The following CLPTM1L variants were observed in gnomAD, a reference collection of about 807,000 sequenced individuals.
CLPTM1L encodes the protein lipid scramblase CLPTM1L.
CLPTM1L carries 38 observed loss-of-function variants against 70.9 expected under a neutral mutation model. The observed-to-expected ratio is 0.54, with a 90% CI of 0.41 to 0.70. The LOEUF is 0.70. CLPTM1L is among the 30% of genes least tolerant of loss of function. The pLI, the probability that CLPTM1L is intolerant of heterozygous loss-of-function variation, is 0.00. For synonymous variants in CLPTM1L, 339 were observed against 299.9 expected, an observed-to-expected ratio of 1.13 and a Z score of -1.35; for missense variants, 652 against 705.9, an observed-to-expected ratio of 0.92 and a Z score of 0.87.
At chr5:1,323,296 C>T (rs554008869) in intron 12 of CLPTM1L, among the ~76,000 whole-genome samples, 58 of 131,254 alleles carry the variant, frequency 4.4e-4, no homozygotes, top group African/African-American at 1.3e-3. Context: ...CTGGAGGCTC[C>T]GGGATCCCTC....
At chr5:1,338,138 A>C in intron 4 of CLPTM1L, 156 bp from the exon 5 acceptor site, 1 of 653,772 alleles carries the variant, frequency 1.5e-6, no homozygotes, top group Non-Finnish European at 2.8e-6. Context: ...AGCCTCCCCA[A>C]ACGGAAGCAG....
intron 6 of CLPTM1L, among the ~76,000 whole-genome samples, chr5:1,334,740 C>T (rs186991891): frequency 3.3e-5 from 5 of 151,036 alleles, no homozygotes; most frequent in Admixed American, 6.6e-5. Flanking sequence ...GGCAACAGAG[C>T]GAGACTCTGT....
intron 9 of CLPTM1L, among the ~76,000 whole-genome samples, chr5:1,329,575 TGGTGGAC>T (rs1236640246): frequency 7.5e-6 from 1 of 134,190 alleles, no homozygotes; most frequent in Admixed American, 7.6e-5. Flanking sequence ...ACTCTCTGCT[TGGTGGAC>T]AGGGCCTCAG....
rs1753986455 is a variant in CLPTM1L, at chr5:1,342,067, A to C, written c.264-207T>G. On this transcript the variant is annotated intron_variant, in intron 2 of 16. Transcript: ENST00000320895. The surrounding 1 kb of genome is among the most constrained non-coding windows in gnomAD (Gnocchi z 4.3). The stretch of plus-strand genomic sequence containing the variant: ...ACGCGCACGCGTGCGCGTCCTGAGA[A>C]CTCGGCACAGGTGTGGGCGCCTACA... 6.8e-6 allele frequency among the ~76,000 whole-genome samples: 1 copy of C among 146,288 alleles called. No individual in the cohort carries two copies. Among genetic ancestry groups the C allele is most frequent in the Non-Finnish European group, 1.5e-5 (1 of 67,168 alleles).
At chr5:1,332,662 G>C (rs1225309520) in intron 7 of CLPTM1L, among the ~76,000 whole-genome samples, 1 of 152,228 alleles carries the variant, frequency 6.6e-6, no homozygotes, top group Non-Finnish European at 1.5e-5. Context: ...GTTTCGGTTA[G>C]CACGGAGCAG....
At chr5:1,340,315 G>A (rs1197583522) in intron 3 of CLPTM1L, among the ~76,000 whole-genome samples, 3 of 152,172 alleles carry the variant, frequency 2.0e-5, no homozygotes, top group Non-Finnish European at 4.4e-5. Flanking sequence ...ATGTGGGGCT[G>A]CCTAAAGGAG....
intron 3 of CLPTM1L, 91 bp downstream of exon 3, chr5:1,341,579 AG>A: frequency 9.0e-7 from 1 of 1,105,020 alleles, no homozygotes; most frequent in Non-Finnish European, 1.3e-6. Context: ...AAGTCACTGG[AG>A]CCCTAGACAT....
At chr5:1,341,903 T>C in intron 2 of CLPTM1L, 43 bp from the exon 3 acceptor site, 4 of 1,499,990 alleles carry the variant, frequency 2.7e-6, no homozygotes, top group Non-Finnish European at 3.7e-6. Context: ...TATTATATTC[T>C]GGGTCTCTAG....
chr5:1,341,177 T>C (rs763970291), intron 3 of CLPTM1L, among the ~76,000 whole-genome samples: 10 of 152,244 alleles, frequency 6.6e-5, no homozygotes, highest in Non-Finnish European at 1.3e-4. Flanking sequence ...CAGTTTTTAT[T>C]TGCGCATACA....
intron 5 of CLPTM1L, among the ~76,000 whole-genome samples, chr5:1,335,397 C>G (rs933702375): frequency 1.3e-5 from 2 of 152,254 alleles, no homozygotes; most frequent in Non-Finnish European, 2.9e-5. Context: ...CCCACCAGGA[C>G]CCCGTGAGCT....
Position 1,344,959 on chromosome 5 carries a change from C to T in CLPTM1L, c.-118G>A. 1 of 477,720 alleles carries T rather than the reference C, an allele frequency of 2.1e-6. No homozygotes were observed. The highest frequency in any genetic ancestry group is 2.1e-5 in the African/African-American group (1 of 47,526). The allele number at this position is 477,720 out of a possible 1,614,324, so 29.6% of individuals were successfully genotyped here. ...CTCACTGGAGAGCCGCCGCGCGCCA[C>T]CGCCACCGCCGCGGGGGAACGAATG... On this transcript the variant is annotated 5_prime_UTR_variant, in exon 1 of 17. The change creates a new upstream start codon in the 5' untranslated region. Coordinates refer to ENST00000320895, the MANE Select transcript of CLPTM1L (RefSeq NM_030782.5).
At chr5:1,322,378 G>A (rs1399300055) in intron 13 of CLPTM1L, among the ~76,000 whole-genome samples, 1 of 152,248 alleles carries the variant, frequency 6.6e-6, no homozygotes, top group Admixed American at 6.5e-5. Context: ...GTGGCCCCGA[G>A]CACAGGGCCC....
chr5:1,343,361 T>G (rs1754068466), intron 2 of CLPTM1L, among the ~76,000 whole-genome samples: 3 of 152,272 alleles, frequency 2.0e-5, no homozygotes, highest in Admixed American at 1.3e-4. Context: ...TGGAGACACT[T>G]GAGGCGGAGC....
chr5:1,335,038 G>A lies in CLPTM1L; in HGVS notation c.796+19C>T, dbSNP rs773447749. On this transcript the variant is annotated intron_variant, in intron 6 of 16. Coordinates refer to ENST00000320895, the MANE Select transcript of CLPTM1L (RefSeq NM_030782.5). ...TCCAGGGCGGCCTCACCCAGGCGCC[G>A]GCCGTGTGCGGCACATACCGAACTG... 1.0e-5 allele frequency: 16 copies of A among 1,602,132 alleles called. No homozygotes were observed. The highest frequency in any genetic ancestry group is 6.6e-5 in the South Asian group (6 of 90,816).
intron 8 of CLPTM1L, 121 bp downstream of exon 8, chr5:1,331,678 G>A: frequency 1.2e-6 from 1 of 837,382 alleles, no homozygotes; most frequent in Non-Finnish European, 2.0e-6. Flanking sequence ...CTTCTCAAGA[G>A]CCAAGCACAC....
intron 8 of CLPTM1L, chr5:1,331,564 C>G: frequency 2.5e-6 from 1 of 401,080 alleles, no homozygotes; most frequent in Non-Finnish European, 4.2e-6. Context: ...CAGCCAGGCC[C>G]TGAGCTGTGC....
In CLPTM1L at chr5:1,325,832, A is replaced by G; in HGVS notation, c.1081-16T>C. 6.2e-7 allele frequency: 1 copy of G among 1,611,884 alleles called. No homozygotes were observed. Among genetic ancestry groups the G allele is most frequent in the Non-Finnish European group, 8.5e-7 (1 of 1,178,188 alleles). On this transcript the variant is annotated splice_polypyrimidine_tract_variant and intron_variant, in intron 9 of 16. Transcript: ENST00000320895. ...CTTTCCACAGCTGAGGGGAGAAATC[A>G]GGAAATAGTTCCTTTAATATTCGAA...
intron 6 of CLPTM1L, among the ~76,000 whole-genome samples, chr5:1,334,647 G>C (rs185012498): frequency 1.5e-4 from 23 of 152,126 alleles, no homozygotes; most frequent in African/African-American, 5.3e-4. Flanking sequence ...CTAGCTACTG[G>C]GGGGACTGAG....
intron 5 of CLPTM1L, among the ~76,000 whole-genome samples, chr5:1,337,555 G>A (rs1262639416): frequency 6.6e-6 from 1 of 152,228 alleles, no homozygotes; most frequent in Non-Finnish European, 1.5e-5. Context: ...TAATCTACAT[G>A]GCACACCAGG....
Sources: allele counts gnomAD v4.1 joint callset (sites outside exome capture counted in the v4.1 genomes callset), GRCh38; gene constraint gnomAD v4.1.1; non-coding constraint Gnocchi (gnomAD v3.1); transcripts MANE v1.5; gene names NCBI Gene and HGNC (gene_info 2026-07-23, HGNC 2026-07-21).